Variants in NRXN1 observed in about 807,000 individuals in gnomAD.
The protein encoded by NRXN1 is neurexin-1.
A neutral mutation model predicts 150.9 loss-of-function variants in NRXN1; 39 were observed. That is an observed-to-expected ratio of 0.26 (90% CI 0.20 to 0.34). The LOEUF (loss-of-function observed/expected upper bound fraction) is 0.34. Among genes scored for constraint, NRXN1 ranks in the 10% least tolerant of loss-of-function variants. NRXN1 has a pLI of 1.00. For missense variants in NRXN1, 1,815 were observed against 1,949.9 expected, an observed-to-expected ratio of 0.93 and a Z score of 1.30; for synonymous variants, 924 against 757.0, an observed-to-expected ratio of 1.22 and a Z score of -3.62.
intron 5 of NRXN1, among the ~76,000 whole-genome samples, chr2:50,638,837 C>T (rs933695328): frequency 6.6e-6 from 1 of 152,148 alleles, no homozygotes; most frequent in Non-Finnish European, 1.5e-5. Flanking sequence ...TCCCTACCAA[C>T]AATTCACAAA....
chr2:50,815,000 T>C (rs1045023131), intron 5 of NRXN1, among the ~76,000 whole-genome samples: 21 of 152,214 alleles, frequency 1.4e-4, no homozygotes, highest in African/African-American at 4.8e-4. Flanking sequence ...AACTATGTCA[T>C]AGAATCAGAA....
chr2:50,396,023 A>G (rs1278922987), intron 17 of NRXN1, among the ~76,000 whole-genome samples: 2 of 152,184 alleles, frequency 1.3e-5, no homozygotes, highest in Non-Finnish European at 2.9e-5. Context: ...ATTATTGAAA[A>G]GTTATTGAAT....
At chr2:50,111,207 C>G (rs1197119575) in intron 18 of NRXN1, among the ~76,000 whole-genome samples, 1 of 152,150 alleles carries the variant, frequency 6.6e-6, no homozygotes, top group Non-Finnish European at 1.5e-5. Context: ...GGGAAGTGAT[C>G]TTAGGCCCAA....
intron 5 of NRXN1, among the ~76,000 whole-genome samples, chr2:50,830,982 T>C (rs936069376): frequency 9.9e-5 from 15 of 152,278 alleles, no homozygotes; most frequent in Non-Finnish European, 2.1e-4. Context: ...AGTAGGTGTA[T>C]ATGTTTATGA....
intron 5 of NRXN1, among the ~76,000 whole-genome samples, chr2:50,820,511 T>A (rs1669572388): frequency 6.6e-6 from 1 of 152,160 alleles, no homozygotes; most frequent in African/African-American, 2.4e-5. Context: ...TTCAATGATT[T>A]ATTTAACTTT....
chr2:50,314,392 A>C (rs1233625356), intron 17 of NRXN1, among the ~76,000 whole-genome samples: 1 of 151,862 alleles, frequency 6.6e-6, no homozygotes, highest in African/African-American at 2.4e-5. Context: ...TCTAGAAAAC[A>C]CTCCATCCGG....
chr2:49,972,125 T>C (rs551705516), intron 21 of NRXN1, among the ~76,000 whole-genome samples: 1 of 152,288 alleles, frequency 6.6e-6, no homozygotes, highest in Non-Finnish European at 1.5e-5. Context: ...CTGAAAACTG[T>C]ATCTGGGTTC....
intron 21 of NRXN1, among the ~76,000 whole-genome samples, chr2:50,038,812 C>G (rs1322425731): frequency 6.8e-6 from 1 of 147,720 alleles, no homozygotes; most frequent in Non-Finnish European, 1.5e-5. Context: ...CCCTCCCTCC[C>G]TCCTCCCTTT....
intron 19 of NRXN1, among the ~76,000 whole-genome samples, chr2:50,075,460 A>G (rs1696938853): frequency 6.6e-6 from 1 of 152,202 alleles, no homozygotes; most frequent in Admixed American, 6.5e-5. Context: ...CTCAACAGGA[A>G]TAAACTGAAC....
At chr2:50,444,599 G>A (rs1436888872) in intron 17 of NRXN1, among the ~76,000 whole-genome samples, 10 of 152,074 alleles carry the variant, frequency 6.6e-5, no homozygotes, top group Admixed American at 3.3e-4. Flanking sequence ...ACTAGTTTGA[G>A]GCACTGGCTC....
chr2:50,991,603 C>A (rs1698552169), intron 2 of NRXN1, among the ~76,000 whole-genome samples: 1 of 152,004 alleles, frequency 6.6e-6, no homozygotes, highest in African/African-American at 2.4e-5. Flanking sequence ...ACCCATCTAT[C>A]CTCATTGTAA....
chr2:50,901,453 C>T (rs1682927699), intron 5 of NRXN1, among the ~76,000 whole-genome samples: 2 of 152,014 alleles, frequency 1.3e-5, no homozygotes, highest in African/African-American at 2.4e-5. Flanking sequence ...AGGAGAATGA[C>T]GTCAACCTAG....
intron 18 of NRXN1, among the ~76,000 whole-genome samples, chr2:50,187,583 G>A (rs1424865030): frequency 6.6e-6 from 1 of 151,910 alleles, no homozygotes; most frequent in African/African-American, 2.4e-5. Flanking sequence ...GCTCTTTTTT[G>A]GATCCATATA....
chr2:50,469,326 C>A (rs1047230115), intron 16 of NRXN1, among the ~76,000 whole-genome samples: 2 of 151,512 alleles, frequency 1.3e-5, no homozygotes, highest in Non-Finnish European at 1.5e-5. Flanking sequence ...AACCATTACT[C>A]CCTGAAATAA....
intron 2 of NRXN1, among the ~76,000 whole-genome samples, chr2:50,927,946 A>C (rs146259628): frequency 9.2e-5 from 14 of 152,150 alleles, no homozygotes; most frequent in African/African-American, 3.1e-4. Flanking sequence ...AACTTTAGGA[A>C]TGCACTAAGT....
chr2:49,924,467 T>C (rs1668746236), intron 22 of NRXN1, among the ~76,000 whole-genome samples: 3 of 152,206 alleles, frequency 2.0e-5, no homozygotes, highest in Admixed American at 2.0e-4. Flanking sequence ...AAAAATTTTA[T>C]TTTTATCTGC....
At chr2:50,656,731 T>C (rs1246705619) in intron 5 of NRXN1, among the ~76,000 whole-genome samples, 2 of 151,026 alleles carry the variant, frequency 1.3e-5, no homozygotes, top group African/African-American at 4.9e-5. Flanking sequence ...TACTGAAGCA[T>C]AGTAGCAGCT....
At chr2:50,246,441 A>G (rs2066512489) in intron 17 of NRXN1, among the ~76,000 whole-genome samples, 1 of 152,080 alleles carries the variant, frequency 6.6e-6, no homozygotes, top group Admixed American at 6.6e-5. Flanking sequence ...ATTTGTAGTA[A>G]TTTTAGGCTA....
Position 50,770,239 on chromosome 2 carries a change from T to C in NRXN1, c.833-146624A>G, listed in dbSNP as rs187224278. Among the ~76,000 whole-genome samples, 588 of 152,240 alleles carry C rather than the reference T, an allele frequency of 3.9e-3. 5 individuals carry two copies. The highest frequency in any genetic ancestry group is 0.014 in the African/African-American group (567 of 41,560). ...CACTCTGAGAAAACAGAGTCTATTT[T>C]ACACTTTAGTGAAAGAAATTTTTAT... is the stretch of plus-strand genomic sequence containing the variant. On this transcript the variant is annotated intron_variant, in intron 5 of 22. Coordinates refer to ENST00000401669, the MANE Select transcript of NRXN1 (RefSeq NM_001330078.2).
Sources: gnomAD v4.1 joint callset for allele counts (sites outside exome capture counted in the v4.1 genomes callset) on GRCh38, gnomAD v4.1.1 for gene constraint, MANE v1.5 for transcripts, NCBI Gene and HGNC (gene_info 2026-07-23, HGNC 2026-07-21) for gene names.